Variants in ATP8A2 observed in about 807,000 individuals in gnomAD.
ATP8A2 encodes the protein phospholipid-transporting ATPase IB.
ATP8A2 carries 100 observed loss-of-function variants against 165.6 expected under a neutral mutation model. The observed-to-expected ratio is 0.60, with a 90% confidence interval of 0.51 to 0.71. ATP8A2 has a LOEUF of 0.71. Ranked by LOEUF, ATP8A2 falls within the 30% of genes least tolerant of loss-of-function variation. The probability of loss-of-function intolerance (pLI) is 0.00; values close to 1 mark genes in which losing one functional copy is unlikely to be tolerated. For missense variants in ATP8A2, 1,227 were observed against 1,479.5 expected, an observed-to-expected ratio of 0.83 and a Z score of 2.80; for synonymous variants, 543 against 548.8, an observed-to-expected ratio of 0.99 and a Z score of 0.15.
At chr13:25,642,211 ACAC>A (rs2041544614) in intron 24 of ATP8A2, among the ~76,000 whole-genome samples, 1 of 152,250 alleles carries the variant, frequency 6.6e-6, no homozygotes, top group South Asian at 2.1e-4. Context: ...CATGTCTACA[ACAC>A]CAAAAGCAAT....
intron 10 of ATP8A2, among the ~76,000 whole-genome samples, chr13:25,547,966 G>A (rs903233491): frequency 6.6e-6 from 1 of 152,156 alleles, no homozygotes; most frequent in Non-Finnish European, 1.5e-5. Flanking sequence ...GCTCACACCT[G>A]TAATCCTAGC....
chr13:25,497,042 G>A (rs1014648669), intron 2 of ATP8A2, among the ~76,000 whole-genome samples: 3 of 152,104 alleles, frequency 2.0e-5, no homozygotes, highest in African/African-American at 2.4e-5. Flanking sequence ...GGCAGGCTGC[G>A]GGGCCCTCAG....
At chr13:25,607,111 G>GTTACA (rs887198191) in intron 24 of ATP8A2, among the ~76,000 whole-genome samples, 2 of 152,120 alleles carry the variant, frequency 1.3e-5, no homozygotes, top group Non-Finnish European at 2.9e-5. Context: ...AGGGATCTAG[G>GTTACA]TTACATGCTC....
At chr13:25,504,563 A>C (rs1484865606) in intron 2 of ATP8A2, among the ~76,000 whole-genome samples, 1 of 146,016 alleles carries the variant, frequency 6.8e-6, no homozygotes, top group African/African-American at 2.5e-5. Context: ...ACAAGGTGAA[A>C]CCCCGTCTCT....
chr13:25,473,496 G>GAGTGTACA (rs1218924145), intron 2 of ATP8A2, among the ~76,000 whole-genome samples: 3 of 152,060 alleles, frequency 2.0e-5, no homozygotes. Context: ...CCTTTTCCTG[G>GAGTGTACA]AGTGTACAAT....
chr13:25,749,232 C>T (rs774354444), intron 25 of ATP8A2, among the ~76,000 whole-genome samples: 1 of 152,122 alleles, frequency 6.6e-6, no homozygotes, highest in Non-Finnish European at 1.5e-5. Context: ...ATCAGTCCTT[C>T]CAGGAAGACA....
intron 33 of ATP8A2, among the ~76,000 whole-genome samples, chr13:25,926,737 C>T (rs906527378): frequency 2.0e-5 from 3 of 152,196 alleles, no homozygotes; most frequent in Admixed American, 6.5e-5. Context: ...TAGTGATTCA[C>T]GCCTGTAATC....
At chr13:25,563,479 G>A (rs2039221286) in intron 15 of ATP8A2, among the ~76,000 whole-genome samples, 1 of 152,048 alleles carries the variant, frequency 6.6e-6, no homozygotes, top group Non-Finnish European at 1.5e-5. Context: ...TTTCTTCAAT[G>A]TGATAGCTCA....
rs529323892 is a variant in ATP8A2, at chr13:25,497,155, T to G, written c.221+28034T>G. On this transcript the variant is annotated intron_variant, in intron 2 of 36. Coordinates refer to ENST00000381655, the MANE Select transcript of ATP8A2 (RefSeq NM_016529.6). ...GATCAACACAGGTTAATCACCTGAT[T>G]TGAGAAATTCTTTGAAGTTTGAGGT... Among the ~76,000 whole-genome samples, 173 of 152,296 alleles carry G rather than the reference T, an allele frequency of 1.1e-3. 1 individual carries two copies. Among genetic ancestry groups the G allele is most frequent in the African/African-American group, 4.1e-3 (171 of 41,558 alleles).
intron 30 of ATP8A2, among the ~76,000 whole-genome samples, chr13:25,850,106 C>T (rs1006308540): frequency 1.2e-4 from 19 of 152,278 alleles, no homozygotes; most frequent in African/African-American, 4.6e-4. Flanking sequence ...TGGACCTGAT[C>T]CTGAATTTGC....
In ATP8A2 at chr13:25,800,712, T is replaced by C. The variant is rs373471864; in HGVS notation, c.2679+25753T>C. Among the ~76,000 whole-genome samples, 122 of 152,194 alleles carry C rather than the reference T, an allele frequency of 8.0e-4. 1 individual carries two copies. Among genetic ancestry groups the C allele is most frequent in the South Asian group, 3.1e-3 (15 of 4,814 alleles). ...CCTGGGCGATCGCCGTCATGCTGAG[T>C]GTTTCCATCTCCAAGCCCTGCTGCA... is the stretch of plus-strand genomic sequence containing the variant. On this transcript the variant is annotated intron_variant, in intron 27 of 36. Coordinates refer to ENST00000381655, the MANE Select transcript of ATP8A2 (RefSeq NM_016529.6).
At chr13:25,731,213 GAGAA>G (rs908123663) in intron 25 of ATP8A2, among the ~76,000 whole-genome samples, 1 of 149,414 alleles carries the variant, frequency 6.7e-6, no homozygotes, top group Admixed American at 6.7e-5. Flanking sequence ...AAGAGAGAAA[GAGAA>G]AGAAGAAAGA....
chr13:25,845,188 G>A (rs1165863932), intron 30 of ATP8A2, among the ~76,000 whole-genome samples: 1 of 152,218 alleles, frequency 6.6e-6, no homozygotes, highest in East Asian at 1.9e-4. Context: ...GGAAAGCGAT[G>A]CTAGGTTAGA....
intron 33 of ATP8A2, among the ~76,000 whole-genome samples, chr13:25,907,422 G>A (rs1953975103): frequency 6.6e-6 from 1 of 152,152 alleles, no homozygotes; most frequent in Admixed American, 6.5e-5. Context: ...ATGCTCAGTT[G>A]GATAATCGTT....
rs940369512 is a variant in ATP8A2 at position 25,372,898 on chromosome 13, T to TAC, written c.76+619_76+620dup. Reference sequence around the variant, plus strand: ...ACGCGCGCGCACACACACACACAGGTACACACACACGTACACACGCACGCG... The same window carrying TAC: ...ACGCGCGCGCACACACACACACAGGTACACACACACACGTACACACGCACGCG... On this transcript the variant is annotated intron_variant, in intron 1 of 36. Transcript: ENST00000381655. This position sits in a 1 kb window ranked among gnomAD's most constrained non-coding sequence, Gnocchi z 4.8. Among the ~76,000 whole-genome samples, 1 of 151,534 alleles carries TAC rather than the reference T, an allele frequency of 6.6e-6. No individual in the cohort carries two copies. The highest frequency in any genetic ancestry group is 2.4e-5 in the African/African-American group (1 of 41,264).
chr13:25,938,390 A>G (rs368214113), intron 33 of ATP8A2, among the ~76,000 whole-genome samples: 2 of 152,366 alleles, frequency 1.3e-5, no homozygotes, highest in African/African-American at 4.8e-5. Context: ...AAAAGTTAAT[A>G]AAACGTTGAA....
intron 25 of ATP8A2, among the ~76,000 whole-genome samples, chr13:25,732,579 G>A (rs1232457332): frequency 6.6e-6 from 1 of 152,188 alleles, no homozygotes; most frequent in African/African-American, 2.4e-5. Flanking sequence ...GAAGGACTTT[G>A]TAATTTTTCT....
At chr13:25,874,287 C>T (rs1952764348) in intron 33 of ATP8A2, among the ~76,000 whole-genome samples, 1 of 152,174 alleles carries the variant, frequency 6.6e-6, no homozygotes, top group East Asian at 1.9e-4. Flanking sequence ...GCGTTTGTGC[C>T]TGCTCCTCTC....
intron 33 of ATP8A2, among the ~76,000 whole-genome samples, chr13:25,957,619 A>G (rs1955556439): frequency 1.3e-5 from 2 of 152,174 alleles, no homozygotes; most frequent in Non-Finnish European, 2.9e-5. Context: ...GAAACAAAAG[A>G]TGCTGGAGAG....
Sources: allele counts gnomAD v4.1 joint callset (sites outside exome capture counted in the v4.1 genomes callset), GRCh38; gene constraint gnomAD v4.1.1; non-coding constraint Gnocchi (gnomAD v3.1); transcripts MANE v1.5; gene names NCBI Gene and HGNC (gene_info 2026-07-23, HGNC 2026-07-21).